The following EIF4H variants were observed in gnomAD, a reference collection of about 807,000 sequenced individuals.
EIF4H encodes eukaryotic translation initiation factor 4H, also known as Williams-Beuren syndrome chromosome region 1.
In EIF4H, 8 loss-of-function variants were observed where a neutral mutation model predicts 30.6. That is an observed-to-expected ratio of 0.26 (90% CI 0.15 to 0.47). EIF4H has a LOEUF of 0.47. Ranked by LOEUF, EIF4H falls within the 20% of genes least tolerant of loss-of-function variation. EIF4H has a pLI of 0.99. For missense variants in EIF4H, 188 were observed against 339.5 expected (o/e 0.55, Z 3.51); for synonymous variants, 106 against 122.7 (o/e 0.86, Z 0.90).
At chr7:74,189,984 G>T in intron 4 of EIF4H, 66 bp downstream of exon 4, 3 of 1,558,348 alleles carry the variant, frequency 1.9e-6, no homozygotes, top group South Asian at 2.3e-5. Flanking sequence ...TCCAACTCGT[G>T]AACGTTCCTA....
intron 1 of EIF4H, among the ~76,000 whole-genome samples, chr7:74,175,606 A>G (rs1800820649): frequency 6.6e-6 from 1 of 152,178 alleles, no homozygotes; most frequent in African/African-American, 2.4e-5. Context: ...ATTCCAAAGA[A>G]CATTTTATTT....
intron 5 of EIF4H, chr7:74,191,421 G>A: frequency 2.6e-6 from 1 of 386,512 alleles, no homozygotes; most frequent in Non-Finnish European, 5.1e-6. Context: ...CTTGGCCACT[G>A]GCGCTCAAGC....
At chr7:74,185,880 G>C (rs1452116060) in intron 1 of EIF4H, among the ~76,000 whole-genome samples, 1 of 151,970 alleles carries the variant, frequency 6.6e-6, no homozygotes, top group Non-Finnish European at 1.5e-5. Flanking sequence ...GGTATTCTTG[G>C]AGCAAACAGG....
chr7:74,189,668 T>G lies in EIF4H; in HGVS notation c.248-5T>G. 6.2e-7 allele frequency: 1 copy of G among 1,613,262 alleles called. No individual in the cohort carries two copies. Among genetic ancestry groups the G allele is most frequent in the Non-Finnish European group, 8.5e-7 (1 of 1,179,918 alleles). ...AGGAAATCGGGGTCTTCTTTTCTTT[T>G]CCAGGATTCTGCTATGTAGAATTCG... On this transcript the variant is annotated splice_polypyrimidine_tract_variant and splice_region_variant and intron_variant, in intron 2 of 6. Transcript: ENST00000265753.
chr7:74,191,315 C>T (rs782070090), intron 5 of EIF4H: 2 of 528,618 alleles, frequency 3.8e-6, no homozygotes, highest in African/African-American at 1.9e-5. Context: ...TAGAGCCAAC[C>T]AGCAGCTCAG....
intron 1 of EIF4H, among the ~76,000 whole-genome samples, chr7:74,178,382 T>C (rs569739417): frequency 2.6e-5 from 4 of 151,932 alleles, no homozygotes; most frequent in Non-Finnish European, 4.4e-5. Context: ...AAACCCCATG[T>C]CTACTAAAAA....
intron 2 of EIF4H, among the ~76,000 whole-genome samples, chr7:74,188,368 C>A (rs937687939): frequency 6.6e-6 from 1 of 152,204 alleles, no homozygotes; most frequent in Admixed American, 6.5e-5. Context: ...CAGCATTCTC[C>A]TGCCTGCAGG....
intron 5 of EIF4H, among the ~76,000 whole-genome samples, chr7:74,192,597 G>A (rs1447552574): frequency 2.6e-5 from 4 of 151,824 alleles, no homozygotes; most frequent in Non-Finnish European, 4.4e-5. Flanking sequence ...GAGCCCGTGC[G>A]GTGCTGCTCC....
At chr7:74,190,374 C>G (rs1270938024) in intron 5 of EIF4H, 68 bp downstream of exon 5, 1 of 1,490,234 alleles carries the variant, frequency 6.7e-7, no homozygotes, top group Non-Finnish European at 9.4e-7. Context: ...CTGTTTCTTA[C>G]GAGTAGCCCG....
intron 1 of EIF4H, among the ~76,000 whole-genome samples, chr7:74,179,936 C>A (rs1554708199): frequency 6.6e-6 from 1 of 152,182 alleles, no homozygotes; most frequent in African/African-American, 2.4e-5. Flanking sequence ...GTTATTTTGG[C>A]CAGGTGCTGT....
chr7:74,183,716 CGGT>C (rs1483073883), intron 1 of EIF4H: 8 of 152,088 alleles, frequency 5.3e-5, no homozygotes, highest in African/African-American at 1.9e-4. Flanking sequence ...GTAAATGAAT[CGGT>C]GGGTAACAGA....
intron 5 of EIF4H, among the ~76,000 whole-genome samples, chr7:74,192,785 C>T (rs1382258053): frequency 6.8e-6 from 1 of 147,942 alleles, no homozygotes; most frequent in Non-Finnish European, 1.5e-5. Flanking sequence ...TCAAGCGATT[C>T]TCCTGCCTCA....
chr7:74,185,883 C>G (rs1209188924), intron 1 of EIF4H, among the ~76,000 whole-genome samples: 2 of 151,996 alleles, frequency 1.3e-5, no homozygotes, highest in African/African-American at 4.8e-5. Flanking sequence ...ATTCTTGGAG[C>G]AAACAGGAAA....
intron 1 of EIF4H, among the ~76,000 whole-genome samples, chr7:74,184,807 A>C (rs1554708956): frequency 6.6e-6 from 1 of 151,852 alleles, no homozygotes; most frequent in Non-Finnish European, 1.5e-5. Context: ...CAGCCTCTGA[A>C]GTAGCTGGGA....
chr7:74,179,807 A>G (rs1345616026), intron 1 of EIF4H, among the ~76,000 whole-genome samples: 1 of 152,196 alleles, frequency 6.6e-6, no homozygotes, highest in Non-Finnish European at 1.5e-5. Flanking sequence ...CACATTCACC[A>G]TAGCTGTTAG....
intron 1 of EIF4H, among the ~76,000 whole-genome samples, chr7:74,176,726 A>T (rs534147636): frequency 2.4e-4 from 37 of 152,336 alleles, no homozygotes; most frequent in African/African-American, 8.7e-4. Flanking sequence ...GTATTGAACC[A>T]CTGCTTTTTT....
At chr7:74,192,282 G>A (rs1200271013) in intron 5 of EIF4H, among the ~76,000 whole-genome samples, 1 of 152,134 alleles carries the variant, frequency 6.6e-6, no homozygotes, top group Non-Finnish European at 1.5e-5. Flanking sequence ...ATACTAACTA[G>A]GCTTGTTCAC....
At chr7:74,192,760 C>G (rs1584187653) in intron 5 of EIF4H, among the ~76,000 whole-genome samples, 1 of 146,984 alleles carries the variant, frequency 6.8e-6, no homozygotes, top group Non-Finnish European at 1.5e-5. Flanking sequence ...TCACTGCAAT[C>G]TCCGCCTCCA....
At chr7:74,179,055 T>C (rs552988785) in intron 1 of EIF4H, among the ~76,000 whole-genome samples, 3 of 152,240 alleles carry the variant, frequency 2.0e-5, no homozygotes, top group African/African-American at 7.2e-5. Flanking sequence ...TTCTGTGTAC[T>C]CACATTTTTG....
Sources: gnomAD v4.1 joint callset for allele counts (sites outside exome capture counted in the v4.1 genomes callset) on GRCh38, gnomAD v4.1.1 for gene constraint, MANE v1.5 for transcripts, NCBI Gene and HGNC (gene_info 2026-07-23, HGNC 2026-07-21) for gene names.